Variants in DNAJC3 observed in about 807,000 individuals in gnomAD.
DNAJC3 encodes DnaJ heat shock protein family (Hsp40) member C3.
A neutral mutation model predicts 68.6 loss-of-function variants in DNAJC3; 38 were observed. That is an observed-to-expected ratio of 0.55 (90% CI 0.43 to 0.73). The LOEUF is 0.73. DNAJC3 is among the 30% of genes least tolerant of loss of function. The pLI is 0.00. For missense variants in DNAJC3, 526 were observed against 591.9 expected, an observed-to-expected ratio of 0.89 and a Z score of 1.16; for synonymous variants, 203 against 204.0, an observed-to-expected ratio of 1.00 and a Z score of 0.04.
intron 2 of DNAJC3, among the ~76,000 whole-genome samples, chr13:95,713,598 C>G (rs1881043334): frequency 2.6e-5 from 4 of 152,210 alleles, no homozygotes; most frequent in Admixed American, 2.6e-4. Flanking sequence ...TAATCAAATT[C>G]TAGCACTTTA....
intron 1 of DNAJC3, among the ~76,000 whole-genome samples, chr13:95,686,733 C>G (rs954866791): frequency 1.3e-5 from 2 of 152,214 alleles, no homozygotes; most frequent in Non-Finnish European, 2.9e-5. Context: ...GTCCATTGAT[C>G]TGTGTGCGTA....
intron 2 of DNAJC3, among the ~76,000 whole-genome samples, chr13:95,713,446 C>T (rs934452694): frequency 1.3e-5 from 2 of 152,110 alleles, no homozygotes; most frequent in East Asian, 3.8e-4. Context: ...TGCAAGAACA[C>T]TTTGCTGAAA....
intron 10 of DNAJC3, among the ~76,000 whole-genome samples, chr13:95,786,588 A>G (rs546759158): frequency 2.6e-5 from 4 of 152,298 alleles, no homozygotes; most frequent in Non-Finnish European, 4.4e-5. Context: ...TAAACCATCA[A>G]TTTTTCAAAA....
At chr13:95,679,229 CAAG>C (rs1879852623) in intron 1 of DNAJC3, among the ~76,000 whole-genome samples, 1 of 75,138 alleles carries the variant, frequency 1.3e-5, no homozygotes, top group Non-Finnish European at 2.4e-5. Context: ...TTGTAATTAA[CAAG>C]AAGGTTATTT....
At chr13:95,760,919 C>A in intron 7 of DNAJC3, 121 bp downstream of exon 7, 1 of 1,367,818 alleles carries the variant, frequency 7.3e-7, no homozygotes, top group Non-Finnish European at 9.6e-7. Flanking sequence ...TCTAGATAGC[C>A]CTGGGCCTTA....
At chr13:95,709,600 T>C (rs1880883008) in intron 2 of DNAJC3, among the ~76,000 whole-genome samples, 1 of 151,936 alleles carries the variant, frequency 6.6e-6, no homozygotes, top group African/African-American at 2.4e-5. Context: ...GACAAACAGC[T>C]TTTCTCAGTG....
chr13:95,740,892 A>G (rs1418534145), intron 4 of DNAJC3, among the ~76,000 whole-genome samples: 1 of 152,126 alleles, frequency 6.6e-6, no homozygotes, highest in African/African-American at 2.4e-5. Context: ...TAGTTCCAGT[A>G]TTTGTCTGAT....
chr13:95,704,851 G>GGTTTTTTTTTTTTTTTTTTTTTTTT (rs1880679714), intron 1 of DNAJC3, among the ~76,000 whole-genome samples: 1 of 97,858 alleles, frequency 1.0e-5, no homozygotes, highest in African/African-American at 6.0e-5. Flanking sequence ...GTGTGTGTGT[G>GGTTTTTTTTTTTTTTTTTTTTTTTT]TTTTTTTTTT....
At chr13:95,778,480 CA>C (rs201988884) in intron 9 of DNAJC3, among the ~76,000 whole-genome samples, 16 of 151,720 alleles carry the variant, frequency 1.1e-4, no homozygotes, top group Non-Finnish European at 2.1e-4. Context: ...AATTGGAATA[CA>C]AAAAAAATGG....
chr13:95,729,684 T>A (rs1325686528), intron 4 of DNAJC3, among the ~76,000 whole-genome samples: 1 of 152,176 alleles, frequency 6.6e-6, no homozygotes, highest in African/African-American at 2.4e-5. Context: ...ATTTTTTGTC[T>A]TTTTATAGTA....
intron 3 of DNAJC3, among the ~76,000 whole-genome samples, chr13:95,724,788 T>C (rs1881452062): frequency 6.6e-6 from 1 of 152,244 alleles, no homozygotes; most frequent in Non-Finnish European, 1.5e-5. Context: ...GTTTTCAAGG[T>C]TCATTCATGT....
At chr13:95,735,887 G>A (rs989179292) in intron 4 of DNAJC3, among the ~76,000 whole-genome samples, 2 of 152,180 alleles carry the variant, frequency 1.3e-5, no homozygotes, top group African/African-American at 2.4e-5. Flanking sequence ...TAGACATGAA[G>A]TCTTTGCCCA....
chr13:95,755,813 A>G (rs1386537413), intron 4 of DNAJC3, among the ~76,000 whole-genome samples: 1 of 150,860 alleles, frequency 6.6e-6, no homozygotes, highest in Non-Finnish European at 1.5e-5. Flanking sequence ...CCAAAACCCT[A>G]ATTTCATCTG....
chr13:95,788,749 G>A (rs1883675521), intron 11 of DNAJC3, among the ~76,000 whole-genome samples: 1 of 151,928 alleles, frequency 6.6e-6, no homozygotes, highest in South Asian at 2.1e-4. Flanking sequence ...CCTTTCTCTG[G>A]GGCCATTATC....
At chr13:95,788,243 G>A (rs1594033113) in intron 11 of DNAJC3, among the ~76,000 whole-genome samples, 1 of 152,224 alleles carries the variant, frequency 6.6e-6, no homozygotes, top group Non-Finnish European at 1.5e-5. Context: ...AGCAAATACT[G>A]AGTGGCTACA....
intron 4 of DNAJC3, among the ~76,000 whole-genome samples, chr13:95,739,070 C>T (rs560221396): frequency 6.6e-6 from 1 of 151,996 alleles, no homozygotes; most frequent in Non-Finnish European, 1.5e-5. Context: ...TTTTATTTCT[C>T]CTTCACTTAT....
intron 1 of DNAJC3, among the ~76,000 whole-genome samples, chr13:95,687,601 A>T (rs1880104476): frequency 6.6e-6 from 1 of 152,146 alleles, no homozygotes; most frequent in African/African-American, 2.4e-5. Context: ...TTTGGAGAAT[A>T]TAATATCGTT....
chr13:95,718,870 GC>G (rs1345468793), intron 2 of DNAJC3, among the ~76,000 whole-genome samples: 1 of 152,184 alleles, frequency 6.6e-6, no homozygotes, highest in African/African-American at 2.4e-5. Context: ...AGATTCTTCA[GC>G]AGACAGCAGC....
At chr13:95,765,409 T>TA (rs531346540) in intron 9 of DNAJC3, among the ~76,000 whole-genome samples, 28,545 of 138,736 alleles carry the variant, frequency 0.21, 3,831 homozygotes, top group African/African-American at 0.38. Context: ...GCTTAGCTGT[T>TA]AAAAAAAAAA....
Sources: gnomAD v4.1 joint callset for allele counts (sites outside exome capture counted in the v4.1 genomes callset) on GRCh38, gnomAD v4.1.1 for gene constraint, MANE v1.5 for transcripts, NCBI Gene and HGNC (gene_info 2026-07-23, HGNC 2026-07-21) for gene names.